PITPNC1: variants seen among roughly 807,000 people sequenced by gnomAD.
The protein encoded by PITPNC1 is phosphatidylinositol transfer protein cytoplasmic 1.
Under a neutral mutation model 44.7 loss-of-function variants are expected in PITPNC1, and 18 were observed. The ratio of observed to expected loss-of-function variants is 0.40; its 90% CI spans 0.28 to 0.60. The LOEUF is 0.60. Among genes scored for constraint, PITPNC1 ranks in the 20% least tolerant of loss-of-function variants. The probability of loss-of-function intolerance (pLI) is 0.39; values close to 1 mark genes in which losing one functional copy is unlikely to be tolerated. For synonymous variants in PITPNC1, 141 were observed against 149.6 expected, an observed-to-expected ratio of 0.94 and a Z score of 0.42; for missense variants, 290 against 418.4, an observed-to-expected ratio of 0.69 and a Z score of 2.68.
chr17:67,394,444 C>T (rs944506418), intron 1 of PITPNC1, among the ~76,000 whole-genome samples: 1 of 152,114 alleles, frequency 6.6e-6, no homozygotes, highest in African/African-American at 2.4e-5. Context: ...CTCTGAAGAC[C>T]AACATTTTTC....
intron 1 of PITPNC1, among the ~76,000 whole-genome samples, chr17:67,530,475 A>C (rs924637609): frequency 6.6e-6 from 1 of 151,962 alleles, no homozygotes; most frequent in African/African-American, 2.4e-5. Flanking sequence ...GTTTCCCTTT[A>C]TTATAAGGAC....
intron 1 of PITPNC1, among the ~76,000 whole-genome samples, chr17:67,415,106 C>G (rs2038568371): frequency 6.6e-6 from 1 of 152,112 alleles, no homozygotes; most frequent in Non-Finnish European, 1.5e-5. Flanking sequence ...TCTCGAACTC[C>G]TGAACTCAAG....
intron 7 of PITPNC1, among the ~76,000 whole-genome samples, chr17:67,671,936 T>C (rs1302368374): frequency 6.6e-6 from 1 of 152,056 alleles, no homozygotes; most frequent in Non-Finnish European, 1.5e-5. Flanking sequence ...TATTATTTTG[T>C]TTTGTTTTGT....
intron 1 of PITPNC1, among the ~76,000 whole-genome samples, chr17:67,388,510 C>T (rs1182613562): frequency 1.3e-5 from 2 of 151,870 alleles, no homozygotes; most frequent in Non-Finnish European, 2.9e-5. Flanking sequence ...TTAGTAGAGA[C>T]GAGGTTTCTC....
chr17:67,424,508 T>G (rs2038716178), intron 1 of PITPNC1, among the ~76,000 whole-genome samples: 1 of 151,822 alleles, frequency 6.6e-6, no homozygotes, highest in African/African-American at 2.4e-5. Context: ...AATTCAAGAA[T>G]TAGCTGGGCG....
intron 2 of PITPNC1, among the ~76,000 whole-genome samples, chr17:67,542,499 G>A (rs1442725263): frequency 6.6e-6 from 1 of 152,124 alleles, no homozygotes; most frequent in Non-Finnish European, 1.5e-5. Flanking sequence ...TGAAATGTAC[G>A]ACGTACAACA....
chr17:67,443,927 GCC>G (rs1459877641), intron 1 of PITPNC1, among the ~76,000 whole-genome samples: 1 of 152,044 alleles, frequency 6.6e-6, no homozygotes, highest in Non-Finnish European at 1.5e-5. Context: ...GAGTCACTGC[GCC>G]CGGCCGACAC....
chr17:67,645,803 T>A (rs1040321751), intron 6 of PITPNC1, among the ~76,000 whole-genome samples: 2 of 152,164 alleles, frequency 1.3e-5, no homozygotes, highest in African/African-American at 4.8e-5. Flanking sequence ...GGCTTCAGAT[T>A]GACATTATTG....
chr17:67,662,265 C>G (rs2042360242), intron 6 of PITPNC1, among the ~76,000 whole-genome samples: 1 of 151,910 alleles, frequency 6.6e-6, no homozygotes, highest in African/African-American at 2.4e-5. Flanking sequence ...AACAGCCTGG[C>G]CAACATGGTG....
At chr17:67,509,861 C>T (rs1230039814) in intron 1 of PITPNC1, among the ~76,000 whole-genome samples, 2 of 152,108 alleles carry the variant, frequency 1.3e-5, no homozygotes, top group African/African-American at 2.4e-5. Context: ...AATTCGTCTT[C>T]TCTGAGCAAG....
In PITPNC1 at chr17:67,516,414, G is replaced by A. The variant is rs144217335; in HGVS notation, c.49-16388G>A. On this transcript the variant is annotated intron_variant, in intron 1 of 8. Coordinates refer to ENST00000581322, the MANE Select transcript of PITPNC1 (RefSeq NM_012417.4). ...CATTTGTCAAATAGGGATTTAAAAC[G>A]CTACCTTCCTCATTGTGTTGTTGTG... Among the ~76,000 whole-genome samples the A allele has an allele frequency of 2.2e-4, 33 of 152,212 alleles. No individual in the cohort carries two copies. In the East Asian group the frequency reaches 4.8e-3, roughly 22 times the overall value.
intron 1 of PITPNC1, among the ~76,000 whole-genome samples, chr17:67,516,140 TG>T (rs2040255461): frequency 1.3e-5 from 2 of 152,168 alleles, no homozygotes; most frequent in African/African-American, 2.4e-5. Flanking sequence ...CTCATCTCTT[TG>T]GTAAAAAAGA....
chr17:67,487,000 T>G (rs970429552), intron 1 of PITPNC1, among the ~76,000 whole-genome samples: 13 of 151,438 alleles, frequency 8.6e-5, no homozygotes, highest in Non-Finnish European at 1.3e-4. Flanking sequence ...ACCACCGCAC[T>G]CCAGCCTGGG....
chr17:67,694,160 GTGACAGAAAGACAATTCTCCTTTGCT>G lies in PITPNC1; in HGVS notation c.*1273_*1298del, dbSNP rs1312354353. On this transcript the variant is annotated 3_prime_UTR_variant, in exon 9 of 9. Coordinates refer to ENST00000581322, the MANE Select transcript of PITPNC1 (RefSeq NM_012417.4). ...ACAGGAGGCAAGGTCACTCACTGAA[GTGACAGAAAGACAATTCTCCTTTGCT>G]CCAAAGAGAGAAATCTGTCACCTTT... The G allele has an allele frequency of 3.3e-5, 5 of 152,204 alleles. No individual in the cohort carries two copies. The highest frequency in any genetic ancestry group is 4.8e-5 in the African/African-American group (2 of 41,450). 9.4% of individuals were successfully genotyped at this position (152,204 alleles called of 1,614,324 possible).
chr17:67,424,708 C>T (rs376931209), intron 1 of PITPNC1, among the ~76,000 whole-genome samples: 4 of 152,020 alleles, frequency 2.6e-5, no homozygotes, highest in East Asian at 3.9e-4. Flanking sequence ...GGAGACAATT[C>T]GACAATTCAT....
intron 1 of PITPNC1, among the ~76,000 whole-genome samples, chr17:67,428,839 C>CTTTTTTTTTTTTT (rs369624053): frequency 5.3e-5 from 6 of 113,186 alleles, no homozygotes; most frequent in Non-Finnish European, 6.9e-5. Context: ...ACTTGTCTTG[C>CTTTTTTTTTTTTT]TTTTTTTTTT....
At chr17:67,464,677 A>G (rs1302471133) in intron 1 of PITPNC1, among the ~76,000 whole-genome samples, 2 of 152,204 alleles carry the variant, frequency 1.3e-5, no homozygotes, top group Non-Finnish European at 2.9e-5. Context: ...GCACCAAAAA[A>G]AGCACAGCGT....
intron 1 of PITPNC1, chr17:67,457,367 CTGTTTTTTGTTTTTTGTTTTT>C (rs57890803): frequency 4.0e-5 from 6 of 151,782 alleles, no homozygotes; most frequent in Non-Finnish European, 8.8e-5. Flanking sequence ...ATCTCTCTGG[CTGTTTTTTGTTTTTTGTTTTT>C]TGTTTTTTGT....
chr17:67,687,320 C>G (rs1361831445), intron 8 of PITPNC1: 2 of 609,308 alleles, frequency 3.3e-6, no homozygotes, highest in Non-Finnish European at 5.9e-6. Context: ...TGCTGCAGAA[C>G]CTGAGCTGGA....
Sources: gnomAD v4.1 joint callset for allele counts (sites outside exome capture counted in the v4.1 genomes callset) on GRCh38, gnomAD v4.1.1 for gene constraint, MANE v1.5 for transcripts, NCBI Gene and HGNC (gene_info 2026-07-23, HGNC 2026-07-21) for gene names.